The following SMYD3 variants were observed in gnomAD, a reference collection of about 807,000 sequenced individuals.
SMYD3 encodes SET and MYND domain containing 3.
SMYD3 carries 36 observed loss-of-function variants against 57.7 expected under a neutral mutation model. The observed-to-expected ratio is 0.62, with a 90% CI of 0.48 to 0.82. SMYD3 has a LOEUF of 0.82. SMYD3 is among the 40% of genes least tolerant of loss of function. The pLI, the probability that SMYD3 is intolerant of heterozygous loss-of-function variation, is 0.00. For synonymous variants in SMYD3, 211 were observed against 195.0 expected, an observed-to-expected ratio of 1.08 and a Z score of -0.68; for missense variants, 515 against 538.8, an observed-to-expected ratio of 0.96 and a Z score of 0.44.
At chr1:246,010,052 C>T (rs2059254585) in intron 5 of SMYD3, among the ~76,000 whole-genome samples, 1 of 107,484 alleles carries the variant, frequency 9.3e-6, no homozygotes, top group African/African-American at 3.5e-5. Flanking sequence ...GAATGCGCCA[C>T]TGCACTCCAG....
At chr1:245,825,054 C>G (rs962727087) in intron 10 of SMYD3, among the ~76,000 whole-genome samples, 4 of 151,944 alleles carry the variant, frequency 2.6e-5, no homozygotes, top group Non-Finnish European at 5.9e-5. Context: ...CAAAACAAAA[C>G]AGGAAAATGT....
At chr1:246,475,213 T>C (rs2068012937) in intron 1 of SMYD3, among the ~76,000 whole-genome samples, 1 of 150,844 alleles carries the variant, frequency 6.6e-6, no homozygotes, top group Non-Finnish European at 1.5e-5. Context: ...GCGCCTGTAA[T>C]CCCAGCTACT....
intron 5 of SMYD3, among the ~76,000 whole-genome samples, chr1:246,097,498 G>A (rs768752494): frequency 1.3e-5 from 2 of 152,020 alleles, no homozygotes; most frequent in Non-Finnish European, 2.9e-5. Flanking sequence ...ATGCGTATAC[G>A]AACTATATTG....
chr1:246,404,934 T>A (rs1201171014), intron 1 of SMYD3, among the ~76,000 whole-genome samples: 1 of 152,114 alleles, frequency 6.6e-6, no homozygotes, highest in African/African-American at 2.4e-5. Flanking sequence ...TCATAATAAT[T>A]GTAAACATTT....
chr1:245,783,890 CTAAA>C (rs1252998636), intron 10 of SMYD3, among the ~76,000 whole-genome samples: 2 of 152,088 alleles, frequency 1.3e-5, no homozygotes, highest in Non-Finnish European at 2.9e-5. Flanking sequence ...GATGAAAGAT[CTAAA>C]TAAATAAAGA....
At chr1:246,292,228 C>A (rs1483188519) in intron 5 of SMYD3, among the ~76,000 whole-genome samples, 1 of 151,786 alleles carries the variant, frequency 6.6e-6, no homozygotes, top group Non-Finnish European at 1.5e-5. Context: ...ACACCAGCAT[C>A]TTAGACTTAC....
At chr1:246,136,073 A>T (rs1045796286) in intron 5 of SMYD3, among the ~76,000 whole-genome samples, 3 of 152,184 alleles carry the variant, frequency 2.0e-5, no homozygotes, top group African/African-American at 7.2e-5. Flanking sequence ...ACTGTTTGTC[A>T]TTCATGTCCT....
chr1:246,330,605 G>A (rs1192467751), intron 3 of SMYD3, 68 bp from the exon 4 acceptor site: 3 of 1,337,784 alleles, frequency 2.2e-6, no homozygotes, highest in Admixed American at 2.3e-5. Flanking sequence ...AAATAAGTTT[G>A]AGTACCTTTG....
At chr1:246,016,123 C>T (rs1189719811) in intron 5 of SMYD3, among the ~76,000 whole-genome samples, 1 of 152,048 alleles carries the variant, frequency 6.6e-6, no homozygotes. Flanking sequence ...AAGTATCAGC[C>T]AGGCACTCTG....
At chr1:246,010,837 AC>A (rs1247611448) in intron 5 of SMYD3, among the ~76,000 whole-genome samples, 11 of 152,228 alleles carry the variant, frequency 7.2e-5, no homozygotes, top group South Asian at 2.1e-4. Flanking sequence ...AATATCAAAA[AC>A]ATTAAGCTAA....
chr1:245,874,678 A>T (rs564652312), intron 8 of SMYD3, among the ~76,000 whole-genome samples: 1 of 152,342 alleles, frequency 6.6e-6, no homozygotes, highest in South Asian at 2.1e-4. Context: ...TGTTCGAGGG[A>T]AAGAAATTAC....
rs200573424 is a variant in SMYD3 at position 246,348,060 on chromosome 1, T to TTATATATA, written c.228+6963_228+6970dup. 2.7e-3 allele frequency among the ~76,000 whole-genome samples: 221 copies of TTATATATA among 83,008 alleles called. 11 individuals carry two copies. Among genetic ancestry groups the TTATATATA allele is most frequent in the African/African-American group, 8.9e-3 (212 of 23,706 alleles). The allele number at this position is 83,008 out of a possible 152,430, so 54.5% of individuals were successfully genotyped here. A position where few individuals can be genotyped will look rare whatever the true frequency, so the allele number is the denominator to read the frequency against. Reference sequence around the variant, plus strand: ...ATTGGTGGACTGAATAAAGAAAACGTTATATATATATATATATACACACAC... The same window carrying TTATATATA: ...ATTGGTGGACTGAATAAAGAAAACGTTATATATATATATATATATATATATACACACAC... On this transcript the variant is annotated intron_variant, in intron 2 of 11. Coordinates refer to ENST00000490107, the MANE Select transcript of SMYD3 (RefSeq NM_001167740.2).
intron 5 of SMYD3, among the ~76,000 whole-genome samples, chr1:245,997,836 G>A (rs1012217490): frequency 1.6e-4 from 24 of 152,230 alleles, no homozygotes; most frequent in African/African-American, 5.8e-4. Context: ...ACTGCTGGGA[G>A]AAAGATCAGC....
chr1:246,363,869 T>C (rs1449708981), intron 1 of SMYD3, among the ~76,000 whole-genome samples: 1 of 151,960 alleles, frequency 6.6e-6, no homozygotes, highest in Non-Finnish European at 1.5e-5. Flanking sequence ...ACTATTGTCC[T>C]ATGACCCTGC....
At chr1:246,483,489 AGCAC>A (rs1266062066) in intron 1 of SMYD3, 2 of 152,242 alleles carry the variant, frequency 1.3e-5, no homozygotes, top group Non-Finnish European at 2.9e-5. Context: ...ATTTACCAAA[AGCAC>A]TGTTTTACGC....
intron 5 of SMYD3, among the ~76,000 whole-genome samples, chr1:246,061,537 G>A (rs1223911055): frequency 1.3e-5 from 2 of 151,266 alleles, no homozygotes; most frequent in Non-Finnish European, 2.9e-5. Flanking sequence ...GGGCAACACA[G>A]CAAGACGCCA....
At chr1:246,184,366 T>C (rs2148297149) in intron 5 of SMYD3, among the ~76,000 whole-genome samples, 1 of 152,348 alleles carries the variant, frequency 6.6e-6, no homozygotes, top group Non-Finnish European at 1.5e-5. Context: ...TGGGTCAGTA[T>C]AATTAGTATC....
At chr1:246,436,364 C>T (rs1476861828) in intron 1 of SMYD3, among the ~76,000 whole-genome samples, 1 of 152,160 alleles carries the variant, frequency 6.6e-6, no homozygotes, top group Non-Finnish European at 1.5e-5. Flanking sequence ...TAGACTATCT[C>T]AGGCAGCAGT....
intron 1 of SMYD3, among the ~76,000 whole-genome samples, chr1:246,379,235 T>C (rs757795652): frequency 6.6e-6 from 1 of 151,076 alleles, no homozygotes; most frequent in Non-Finnish European, 1.5e-5. Context: ...TAAATAATAA[T>C]AATAACATTA....
Sources: gnomAD v4.1 joint callset for allele counts (sites outside exome capture counted in the v4.1 genomes callset) on GRCh38, gnomAD v4.1.1 for gene constraint, MANE v1.5 for transcripts, NCBI Gene and HGNC (gene_info 2026-07-23, HGNC 2026-07-21) for gene names.